The following GALNT10 variants were observed in gnomAD, a reference collection of about 807,000 sequenced individuals.
GALNT10 encodes polypeptide N-acetylgalactosaminyltransferase 10.
GALNT10 carries 41 observed loss-of-function variants against 75.0 expected under a neutral mutation model. That is an observed-to-expected ratio of 0.55 (90% CI 0.43 to 0.71). The LOEUF (loss-of-function observed/expected upper bound fraction) is 0.71, where lower values mean the gene tolerates loss of function less well. Ranked by LOEUF, GALNT10 falls within the 30% of genes least tolerant of loss-of-function variation. The pLI is 0.00. For synonymous variants in GALNT10, 302 were observed against 313.0 expected (o/e 0.96, Z 0.37); for missense variants, 727 against 818.5 (o/e 0.89, Z 1.36).
At chr5:154,239,965 G>A (rs1000756235) in intron 1 of GALNT10, among the ~76,000 whole-genome samples, 1 of 152,214 alleles carries the variant, frequency 6.6e-6, no homozygotes, top group African/African-American at 2.4e-5. Context: ...GCTCTTAGAA[G>A]ACTGAATTGC....
At chr5:154,368,142 C>T (rs1206251009) in intron 4 of GALNT10, among the ~76,000 whole-genome samples, 1 of 152,156 alleles carries the variant, frequency 6.6e-6, no homozygotes, top group Non-Finnish European at 1.5e-5. Context: ...TAAGGTGAGG[C>T]CTAAGAATGG....
At position 154,190,940 on chromosome 5, in the gene GALNT10, TG is replaced by T; in HGVS notation, c.78del (p.Leu27PhefsTer45). 6.6e-7 allele frequency: 1 copy of T among 1,508,194 alleles called. No homozygotes were observed. Among genetic ancestry groups the T allele is most frequent in the South Asian group, 1.2e-5 (1 of 81,314 alleles). 93.4% of individuals were successfully genotyped at this position (1,508,194 alleles called of 1,614,324 possible). Reference sequence around the variant, plus strand: ...GCGGCCCTGGTCCTCCTGCCCAACGTGGGGCTTTGGGCGCTGTACCGCGAGC... The same window carrying T: ...GCGGCCCTGGTCCTCCTGCCCAACGTGGGCTTTGGGCGCTGTACCGCGAGC... ...VLAALVLLPN[V>X]GLWALYRERQ... On this transcript the variant is annotated frameshift_variant, in exon 1 of 12. Transcript: ENST00000297107. LOFTEE classifies it high-confidence loss of function.
chr5:154,282,655 C>T (rs1754055623), intron 1 of GALNT10, among the ~76,000 whole-genome samples: 1 of 152,186 alleles, frequency 6.6e-6, no homozygotes, highest in Non-Finnish European at 1.5e-5. Context: ...TGAGCCAGCT[C>T]TCTTTTGAGC....
chr5:154,212,145 T>G (rs546380118), intron 1 of GALNT10, among the ~76,000 whole-genome samples: 1 of 152,270 alleles, frequency 6.6e-6, no homozygotes, highest in Admixed American at 6.5e-5. Context: ...GCTCTGAAAT[T>G]GCTCATAAAA....
At chr5:154,340,949 AAAG>A (rs1198068982) in intron 4 of GALNT10, among the ~76,000 whole-genome samples, 7 of 152,236 alleles carry the variant, frequency 4.6e-5, no homozygotes, top group African/African-American at 1.7e-4. Flanking sequence ...ATTTTTTTAA[AAAG>A]AAAATTCCAC....
At chr5:154,297,862 A>AT (rs1278283664) in intron 2 of GALNT10, 79 bp from the exon 3 acceptor site, 1 of 1,296,556 alleles carries the variant, frequency 7.7e-7, no homozygotes, top group African/African-American at 1.5e-5. Context: ...GTTTAATCAT[A>AT]TTTTTCATCC....
rs565108353 is a variant in GALNT10, at chr5:154,402,827, C to T, written c.1057-1277C>T. ...TCCTCAAACATGGCAGCTGGCTCCT[C>T]CAAAGCCAGCGGTCCCACAGAGAAA... is the stretch of plus-strand genomic sequence containing the variant. On this transcript the variant is annotated intron_variant, in intron 7 of 11. Transcript: ENST00000297107. This position sits in a 1 kb window ranked among gnomAD's most constrained non-coding sequence, Gnocchi z 4.2. The T allele has an allele frequency of 3.3e-5, 5 of 152,422 alleles. No homozygotes were observed. The highest frequency in any genetic ancestry group is 7.3e-5 in the Non-Finnish European group (5 of 68,114). 9.4% of individuals were successfully genotyped at this position (152,422 alleles called of 1,614,324 possible). A position where few individuals can be genotyped will look rare whatever the true frequency, so the allele number is the denominator to read the frequency against.
At chr5:154,241,457 A>T (rs551951979) in intron 1 of GALNT10, among the ~76,000 whole-genome samples, 1 of 152,236 alleles carries the variant, frequency 6.6e-6, no homozygotes, top group Non-Finnish European at 1.5e-5. Flanking sequence ...GTTGCATTGC[A>T]TATATCTGTT....
At chr5:154,368,460 AGAG>A (rs752756659) in intron 4 of GALNT10, among the ~76,000 whole-genome samples, 12 of 152,226 alleles carry the variant, frequency 7.9e-5, no homozygotes, top group Admixed American at 2.0e-4. Flanking sequence ...ATCAAAAAGA[AGAG>A]GAGGAGGAAA....
At chr5:154,308,101 A>G (rs1405201560) in intron 3 of GALNT10, among the ~76,000 whole-genome samples, 1 of 151,114 alleles carries the variant, frequency 6.6e-6, no homozygotes, top group African/African-American at 2.4e-5. Context: ...AATAAAGATC[A>G]CTGCAAATAG....
intron 1 of GALNT10, among the ~76,000 whole-genome samples, chr5:154,215,840 G>A (rs942050871): frequency 6.6e-6 from 1 of 152,198 alleles, no homozygotes; most frequent in Non-Finnish European, 1.5e-5. Flanking sequence ...TTAGGGGTAA[G>A]GCTTCAGCCC....
At position 154,219,830 on chromosome 5, in the gene GALNT10, T is replaced by TCACACA. The variant is rs1160794970; in HGVS notation, c.159+28806_159+28807insACACAC. 1.2e-4 allele frequency among the ~76,000 whole-genome samples: 9 copies of TCACACA among 75,684 alleles called. 1 individual carries two copies. In the East Asian group the frequency reaches 6.3e-3, roughly 53 times the overall value. 49.7% of individuals were successfully genotyped at this position (75,684 alleles called of 152,430 possible). A position where few individuals can be genotyped will look rare whatever the true frequency, so the allele number is the denominator to read the frequency against. ...CTCTCGCGCTCTCTCTCTCTCTCTC[T>TCACACA]CTCTCTCTCACACACACACACACAC... is the stretch of plus-strand genomic sequence containing the variant. On this transcript the variant is annotated intron_variant, in intron 1 of 11. Transcript: ENST00000297107.
intron 3 of GALNT10, among the ~76,000 whole-genome samples, chr5:154,301,713 C>T (rs1212837190): frequency 6.6e-6 from 1 of 152,046 alleles, no homozygotes; most frequent in East Asian, 1.9e-4. Context: ...ATTTTGATAA[C>T]TATATTTCAG....
chr5:154,287,689 G>T (rs571532315), intron 1 of GALNT10, among the ~76,000 whole-genome samples: 18 of 152,276 alleles, frequency 1.2e-4, no homozygotes, highest in African/African-American at 4.3e-4. Flanking sequence ...TCTCCCAGAG[G>T]TCTTTGGCCA....
intron 4 of GALNT10, among the ~76,000 whole-genome samples, chr5:154,374,591 C>T (rs1165982552): frequency 2.6e-5 from 4 of 152,232 alleles, no homozygotes. Context: ...TTCAAGCGAT[C>T]CCCCCACCTC....
intron 4 of GALNT10, chr5:154,338,263 C>A: frequency 1.4e-6 from 1 of 697,002 alleles, no homozygotes; most frequent in Non-Finnish European, 2.6e-6. Context: ...ACCCACAGCC[C>A]CTGGAGTGCT....
At chr5:154,413,045 G>A (rs1756435046) in intron 10 of GALNT10, 40 bp downstream of exon 10, 4 of 1,297,344 alleles carry the variant, frequency 3.1e-6, no homozygotes, top group Non-Finnish European at 4.5e-6. Context: ...CAGGTTCTCT[G>A]AAACATCTGC....
intron 3 of GALNT10, among the ~76,000 whole-genome samples, chr5:154,328,008 C>A (rs527511303): frequency 4.0e-5 from 6 of 151,222 alleles, no homozygotes; most frequent in Middle Eastern, 6.8e-3. Context: ...CACAGAGATG[C>A]AAGCAGCAAA....
At chr5:154,223,883 G>A (rs966108459) in intron 1 of GALNT10, among the ~76,000 whole-genome samples, 1 of 151,318 alleles carries the variant, frequency 6.6e-6, no homozygotes, top group African/African-American at 2.4e-5. Context: ...TCGCGTCACT[G>A]CACTCCAGCC....
Sources: allele counts gnomAD v4.1 joint callset (sites outside exome capture counted in the v4.1 genomes callset), GRCh38; gene constraint gnomAD v4.1.1; non-coding constraint Gnocchi (gnomAD v3.1); transcripts MANE v1.5; gene names NCBI Gene and HGNC (gene_info 2026-07-23, HGNC 2026-07-21).